The following OXNAD1 variants were observed in gnomAD, a reference collection of about 807,000 sequenced individuals.
OXNAD1 encodes the protein oxidoreductase NAD binding domain containing 1.
In OXNAD1, 34 loss-of-function variants were observed where a neutral mutation model predicts 32.9. The ratio of observed to expected loss-of-function variants is 1.03; its 90% CI spans 0.79 to 1.38. The LOEUF is 1.38. OXNAD1 is among the 40% of genes most tolerant of loss of function. The probability of loss-of-function intolerance (pLI) is 0.00; values close to 1 mark genes in which losing one functional copy is unlikely to be tolerated. For synonymous variants in OXNAD1, 134 were observed against 135.2 expected (o/e 0.99, Z 0.06); for missense variants, 407 against 379.4 (o/e 1.07, Z -0.60).
At chr3:16,328,902 AT>A (rs1426776850) in intron 9 of OXNAD1, among the ~76,000 whole-genome samples, 1 of 152,216 alleles carries the variant, frequency 6.6e-6, no homozygotes, top group African/African-American at 2.4e-5. Context: ...TGAGAAAAAA[AT>A]ATATATTTTT....
rs1425860760 is a variant in OXNAD1 at position 16,284,390 on chromosome 3, T to C, written c.184-1952T>C. 7.2e-6 allele frequency among the ~76,000 whole-genome samples: 1 copy of C among 139,366 alleles called. No individual in the cohort carries two copies. The highest frequency in any genetic ancestry group is 1.5e-5 in the Non-Finnish European group (1 of 66,470). 91.4% of individuals were successfully genotyped at this position (139,366 alleles called of 152,430 possible). ...ATTGTCATTGTGCAGACATAGAGTGTACTTAAACAAACCTGGAGGGGATAG... is the reference window on the plus strand; with the variant it reads ...ATTGTCATTGTGCAGACATAGAGTGCACTTAAACAAACCTGGAGGGGATAG... On this transcript the variant is annotated intron_variant, in intron 4 of 8. Coordinates refer to ENST00000285083, the MANE Select transcript of OXNAD1 (RefSeq NM_138381.5). The surrounding 1 kb of genome is among the most constrained non-coding windows in gnomAD (Gnocchi z 4.1).
At chr3:16,338,274 A>C (rs2071050096), downstream of OXNAD1, among the ~76,000 whole-genome samples, 3 of 152,244 alleles carry the variant, frequency 2.0e-5, no homozygotes, top group South Asian at 2.1e-4. This position sits in a 1 kb window ranked among gnomAD's most constrained non-coding sequence, Gnocchi z 5.3. Context: ...AATGAGAACC[A>C]GGCAAGGCAT....
At chr3:16,268,313 CTTTTTTTTTTTTTTTT>C (rs531751365) in intron 1 of OXNAD1, among the ~76,000 whole-genome samples, 87 of 61,016 alleles carry the variant, frequency 1.4e-3, no homozygotes, top group East Asian at 6.1e-3. Flanking sequence ...AAGAGAACTC[CTTTTTTTTTTTTTTTT>C]TTTTTTTTTT....
chr3:16,315,029 G>C (rs144889860), intron 9 of OXNAD1: 1 of 152,178 alleles, frequency 6.6e-6, no homozygotes, highest in African/African-American at 2.4e-5. Flanking sequence ...GGTTGGGTGG[G>C]GAGTTTGTCA....
At position 16,284,318 on chromosome 3, in the gene OXNAD1, T is replaced by C. The variant is rs1464238090; in HGVS notation, c.184-2024T>C. On this transcript the variant is annotated intron_variant, in intron 4 of 8. Coordinates refer to ENST00000285083, the MANE Select transcript of OXNAD1 (RefSeq NM_138381.5). This position sits in a 1 kb window ranked among gnomAD's most constrained non-coding sequence, Gnocchi z 4.1. ...TAATTAAGACAATGAAATACAGTCA[T>C]GTGTTGCCTGCTGACGGGGATGTTT... 6.6e-6 allele frequency among the ~76,000 whole-genome samples: 1 copy of C among 152,222 alleles called. No homozygotes were observed. Among genetic ancestry groups the C allele is most frequent in the Admixed American group, 6.5e-5 (1 of 15,284 alleles).
Position 16,269,149 on chromosome 3 carries a change from A to G in OXNAD1, c.-135A>G, listed in dbSNP as rs1304743826. On this transcript the variant is annotated 5_prime_UTR_variant, in exon 2 of 9. It removes an upstream start codon present in the reference 5' UTR. Coordinates refer to ENST00000285083, the MANE Select transcript of OXNAD1 (RefSeq NM_138381.5). ...AGGAACTTTGTGAGAATTTTAATGC[A>G]TGGAAAAGCTGTCCATGTTCCAACT... 21 of 1,494,054 alleles carry G rather than the reference A, an allele frequency of 1.4e-5. No homozygotes were observed. Among genetic ancestry groups the G allele is most frequent in the South Asian group, 2.6e-5 (2 of 77,588 alleles). The allele number at this position is 1,494,054 out of a possible 1,614,324, so 92.5% of individuals were successfully genotyped here.
chr3:16,312,852 G>GA lies in OXNAD1; in HGVS notation c.*30+9266dup, dbSNP rs200090026. On this transcript the variant is annotated intron_variant, in intron 9 of 9. Coordinates refer to the OXNAD1 transcript ENST00000435829. The surrounding 1 kb of genome is among the most constrained non-coding windows in gnomAD (Gnocchi z 4.7). ...TGAAGCATGGTCAACCTGGAGATCT[G>GA]AAAAAATCTGACAGGCATTTGACTA... is the stretch of plus-strand genomic sequence containing the variant. 0.029 allele frequency among the ~76,000 whole-genome samples: 4,360 copies of GA among 152,234 alleles called. 99 individuals carry two copies. The highest frequency in any genetic ancestry group is 0.082 in the Middle Eastern group (24 of 292).
In OXNAD1 at chr3:16,290,908, C is replaced by A. The variant is rs977951012; in HGVS notation, c.291-3948C>A. Among the ~76,000 whole-genome samples the A allele has an allele frequency of 3.9e-5, 6 of 152,124 alleles. No individual in the cohort carries two copies. Among genetic ancestry groups the A allele is most frequent in the African/African-American group, 1.4e-4 (6 of 41,420 alleles). On this transcript the variant is annotated intron_variant, in intron 5 of 8. Coordinates refer to ENST00000285083, the MANE Select transcript of OXNAD1 (RefSeq NM_138381.5). The surrounding 1 kb of genome is among the most constrained non-coding windows in gnomAD (Gnocchi z 4.2). ...GGTAAGCAACTGGGGAAGGATGATA[C>A]TTTTTGCTCTTGTGATGGCTGTGAA...
At chr3:16,307,966 A>G (rs2067686641), downstream of OXNAD1, among the ~76,000 whole-genome samples, 1 of 152,124 alleles carries the variant, frequency 6.6e-6, no homozygotes, top group Admixed American at 6.5e-5. Context: ...AAACCATGGA[A>G]GAGTAATTCA....
rs1342403838 is a variant in OXNAD1 at position 16,305,818 on chromosome 3, G to C, written c.*2256G>C. 1 of 152,230 alleles carries C rather than the reference G, an allele frequency of 6.6e-6. No homozygotes were observed. Among genetic ancestry groups the C allele is most frequent in the Non-Finnish European group, 1.5e-5 (1 of 68,048 alleles). The allele number at this position is 152,230 out of a possible 1,614,324, so 9.4% of individuals were successfully genotyped here. Reference sequence around the variant, plus strand: ...CTGCTGCCTACCTACCTACATGATAGGGCTGTTACGGGGATTGAAGGTGAT... The same window carrying C: ...CTGCTGCCTACCTACCTACATGATACGGCTGTTACGGGGATTGAAGGTGAT... On this transcript the variant is annotated 3_prime_UTR_variant, in exon 9 of 9. Transcript: ENST00000285083. This position sits in a 1 kb window ranked among gnomAD's most constrained non-coding sequence, Gnocchi z 4.5.
In OXNAD1 at chr3:16,333,382, G is replaced by A. The variant is rs1272161784; in HGVS notation, c.*31-3730G>A. On this transcript the variant is annotated intron_variant, in intron 9 of 9. Coordinates refer to the OXNAD1 transcript ENST00000435829. ...ACATGTTTGCAAATGGCCACAAAATGCCATTTGTATTGATTTTGGGATTAC... is the reference window on the plus strand; with the variant it reads ...ACATGTTTGCAAATGGCCACAAAATACCATTTGTATTGATTTTGGGATTAC... 2.0e-5 allele frequency among the ~76,000 whole-genome samples: 3 copies of A among 152,180 alleles called. No homozygotes were observed. The East Asian group carries it at 5.8e-4, about 29-fold the overall frequency.
At chr3:16,306,299 G>C (rs2067555999), downstream of OXNAD1, among the ~76,000 whole-genome samples, 1 of 152,144 alleles carries the variant, frequency 6.6e-6, no homozygotes, top group African/African-American at 2.4e-5. Flanking sequence ...GTTTTTGTCA[G>C]CCCTCAGCTT....
At chr3:16,283,683 C>A (rs1441673555) in intron 4 of OXNAD1, among the ~76,000 whole-genome samples, 1 of 151,978 alleles carries the variant, frequency 6.6e-6, no homozygotes, top group Non-Finnish European at 1.5e-5. Flanking sequence ...TCTGTGAGTC[C>A]TTGAGGGCCT....
intron 6 of OXNAD1, among the ~76,000 whole-genome samples, chr3:16,300,213 A>T (rs1031488646): frequency 3.3e-5 from 5 of 152,162 alleles, no homozygotes; most frequent in Admixed American, 3.3e-4. Context: ...GTTTTTTTTT[A>T]AATAACATAA....
downstream of OXNAD1, among the ~76,000 whole-genome samples, chr3:16,342,130 A>C (rs2125291458): frequency 1.3e-5 from 2 of 152,300 alleles, no homozygotes; most frequent in Non-Finnish European, 2.9e-5. This position sits in a 1 kb window ranked among gnomAD's most constrained non-coding sequence, Gnocchi z 4.0. Context: ...AACCATCACC[A>C]CAATCTAAGT....
At chr3:16,311,823 C>G (rs1289175530) in intron 9 of OXNAD1, among the ~76,000 whole-genome samples, 1 of 152,156 alleles carries the variant, frequency 6.6e-6, no homozygotes, top group Non-Finnish European at 1.5e-5. Context: ...CATCAGTGGC[C>G]TCCTATTAAG....
chr3:16,348,673 A>G lies in OXNAD1; in HGVS notation c.*31-503A>G, dbSNP rs894995488. Among the ~76,000 whole-genome samples, 3 of 152,218 alleles carry G rather than the reference A, an allele frequency of 2.0e-5. No homozygotes were observed. Among genetic ancestry groups the G allele is most frequent in the African/African-American group, 4.8e-5 (2 of 41,452 alleles). On this transcript the variant is annotated intron_variant, in intron 9 of 9. Coordinates refer to the OXNAD1 transcript ENST00000606098. This position sits in a 1 kb window ranked among gnomAD's most constrained non-coding sequence, Gnocchi z 6.3. The stretch of plus-strand genomic sequence containing the variant: ...CCCCTTTGCATCCTTGTTCCTGGGC[A>G]TCAAAAAGTAGTCACTCTCTTTGAG...
intron 9 of OXNAD1, among the ~76,000 whole-genome samples, chr3:16,324,604 A>G (rs1386643745): frequency 8.3e-6 from 1 of 121,186 alleles, no homozygotes; most frequent in Non-Finnish European, 1.7e-5. Flanking sequence ...AAATAACAGA[A>G]TGTCCCTGAC....
downstream of OXNAD1, among the ~76,000 whole-genome samples, chr3:16,337,740 C>CAAAA (rs5846920): frequency 1.1e-5 from 1 of 95,172 alleles, no homozygotes; most frequent in Non-Finnish European, 2.4e-5. This position sits in a 1 kb window ranked among gnomAD's most constrained non-coding sequence, Gnocchi z 5.0. Flanking sequence ...GACTCCATCT[C>CAAAA]AAAAAAAAAA....
Sources: allele counts gnomAD v4.1 joint callset (sites outside exome capture counted in the v4.1 genomes callset), GRCh38; gene constraint gnomAD v4.1.1; non-coding constraint Gnocchi (gnomAD v3.1); transcripts MANE v1.5; gene names NCBI Gene and HGNC (gene_info 2026-07-23, HGNC 2026-07-21).